The following STXBP5L variants were observed in gnomAD, a reference collection of about 807,000 sequenced individuals.
The protein encoded by STXBP5L is syntaxin-binding protein 5-like.
STXBP5L carries 65 observed loss-of-function variants against 144.5 expected under a neutral mutation model. The ratio of observed to expected loss-of-function variants is 0.45; its 90% CI spans 0.37 to 0.55. The LOEUF (loss-of-function observed/expected upper bound fraction) is 0.55. Among genes scored for constraint, STXBP5L ranks in the 20% least tolerant of loss-of-function variants. STXBP5L has a pLI of 0.00. For synonymous variants in STXBP5L, 505 were observed against 469.6 expected (o/e 1.08, Z -0.97); for missense variants, 1,298 against 1,405.5 (o/e 0.92, Z 1.22).
chr3:120,977,009 T>A (rs9849763), intron 3 of STXBP5L, among the ~76,000 whole-genome samples: 15,050 of 151,860 alleles, frequency 0.099, 1,169 homozygotes, highest in Admixed American at 0.2. Flanking sequence ...TGCTGAAAAA[T>A]ATGTATATTC....
intron 19 of STXBP5L, among the ~76,000 whole-genome samples, chr3:121,280,976 GTAT>G (rs1316404319): frequency 6.6e-6 from 1 of 150,444 alleles, no homozygotes; most frequent in African/African-American, 2.4e-5. Context: ...TTTCTACATT[GTAT>G]TATTTAAAAT....
chr3:121,240,567 T>C, intron 14 of STXBP5L, 60 bp downstream of exon 14: 1 of 1,493,990 alleles, frequency 6.7e-7, no homozygotes. Flanking sequence ...TACTGAGTCT[T>C]GATACTTTTC....
At chr3:121,119,533 A>G (rs955354313) in intron 6 of STXBP5L, among the ~76,000 whole-genome samples, 2 of 151,478 alleles carry the variant, frequency 1.3e-5, no homozygotes, top group Non-Finnish European at 3.0e-5. Context: ...GATACCGAGA[A>G]GAATTACTGC....
intron 8 of STXBP5L, among the ~76,000 whole-genome samples, chr3:121,155,730 A>G (rs1000010975): frequency 6.6e-6 from 1 of 151,860 alleles, no homozygotes; most frequent in South Asian, 2.1e-4. Context: ...GTAATGCACT[A>G]TATGAGACCC....
At chr3:121,222,694 T>C (rs1577247520) in intron 10 of STXBP5L, among the ~76,000 whole-genome samples, 2 of 150,476 alleles carry the variant, frequency 1.3e-5, no homozygotes, top group Non-Finnish European at 2.9e-5. Context: ...CCAAGTAAAG[T>C]ACGTGAAGAT....
intron 4 of STXBP5L, among the ~76,000 whole-genome samples, chr3:121,044,495 A>C (rs182691588): frequency 6.6e-6 from 1 of 152,174 alleles, no homozygotes; most frequent in Admixed American, 6.5e-5. Context: ...TACTTCTAAC[A>C]AAGTACTTTG....
intron 3 of STXBP5L, among the ~76,000 whole-genome samples, chr3:120,999,825 ATT>A (rs1434175056): frequency 8.8e-6 from 1 of 114,084 alleles, no homozygotes; most frequent in Non-Finnish European, 2.0e-5. Flanking sequence ...TTTCTCCTTT[ATT>A]TGTCTCCTTT....
intron 3 of STXBP5L, among the ~76,000 whole-genome samples, chr3:120,991,657 AATG>A (rs1263638437): frequency 1.3e-5 from 2 of 152,218 alleles, no homozygotes; most frequent in African/African-American, 2.4e-5. Context: ...AGCCATAAAA[AATG>A]ATGAGTTCAT....
At chr3:121,369,435 G>T in intron 20 of STXBP5L, among the ~76,000 whole-genome samples, 1 of 147,192 alleles carries the variant, frequency 6.8e-6, no homozygotes, top group African/African-American at 2.5e-5. Context: ...TTTCTTCTTT[G>T]TTCTTCTTAG....
intron 3 of STXBP5L, among the ~76,000 whole-genome samples, chr3:120,959,151 A>C (rs1266809279): frequency 1.3e-5 from 2 of 152,228 alleles, no homozygotes; most frequent in Non-Finnish European, 2.9e-5. Flanking sequence ...CCCATTCACA[A>C]TTGCTTCAAA....
At chr3:120,998,138 C>T (rs375611875) in intron 3 of STXBP5L, among the ~76,000 whole-genome samples, 2 of 152,070 alleles carry the variant, frequency 1.3e-5, no homozygotes, top group Admixed American at 1.3e-4. Flanking sequence ...ACTGAATGGG[C>T]AATAGCTGTA....
At chr3:121,289,266 T>C (rs574155071) in intron 19 of STXBP5L, among the ~76,000 whole-genome samples, 11 of 152,140 alleles carry the variant, frequency 7.2e-5, no homozygotes, top group Admixed American at 2.6e-4. Context: ...TGAAGGGACA[T>C]TGTTTAAAGA....
chr3:121,312,496 G>T, intron 19 of STXBP5L, among the ~76,000 whole-genome samples: 1 of 77,078 alleles, frequency 1.3e-5, no homozygotes, highest in Non-Finnish European at 2.3e-5. Flanking sequence ...ATTCTTGGGT[G>T]TTTCTCGCAG....
At chr3:121,162,436 C>T (rs1010519868) in intron 9 of STXBP5L, among the ~76,000 whole-genome samples, 12 of 152,138 alleles carry the variant, frequency 7.9e-5, no homozygotes, top group Non-Finnish European at 5.9e-5. Flanking sequence ...GGATTAAAGA[C>T]TTAAACGTAA....
At chr3:120,993,550 G>T (rs926740745) in intron 3 of STXBP5L, among the ~76,000 whole-genome samples, 2 of 151,920 alleles carry the variant, frequency 1.3e-5, no homozygotes, top group African/African-American at 2.4e-5. Flanking sequence ...TCCCAACCCT[G>T]TTTATTGAGG....
intron 20 of STXBP5L, among the ~76,000 whole-genome samples, chr3:121,337,085 G>A (rs189618751): frequency 6.6e-6 from 1 of 152,052 alleles, no homozygotes; most frequent in Non-Finnish European, 1.5e-5. Flanking sequence ...ACAGACACTG[G>A]GGTCTACTTG....
intron 3 of STXBP5L, among the ~76,000 whole-genome samples, chr3:121,034,134 A>AT (rs1245697510): frequency 1.3e-5 from 2 of 152,016 alleles, no homozygotes; most frequent in East Asian, 1.9e-4. Context: ...TGTTTTCTTT[A>AT]TTTTTTTCTG....
chr3:121,083,732 G>T (rs2042358626), intron 5 of STXBP5L, among the ~76,000 whole-genome samples: 1 of 152,080 alleles, frequency 6.6e-6, no homozygotes. Flanking sequence ...AATCATGAGT[G>T]TGTGGAAATT....
At chr3:120,921,017 C>T (rs1336395738) in intron 2 of STXBP5L, among the ~76,000 whole-genome samples, 13 of 151,466 alleles carry the variant, frequency 8.6e-5, no homozygotes, top group Admixed American at 6.6e-4. Flanking sequence ...AGTGCAATTG[C>T]TGGTTGTTCT....
Sources: gnomAD v4.1 joint callset for allele counts (sites outside exome capture counted in the v4.1 genomes callset) on GRCh38, gnomAD v4.1.1 for gene constraint, MANE v1.5 for transcripts, NCBI Gene and HGNC (gene_info 2026-07-23, HGNC 2026-07-21) for gene names.